PODNL1: variants seen among roughly 807,000 people sequenced by gnomAD.
The protein encoded by PODNL1 is podocan like 1.
In PODNL1, 50 loss-of-function variants were observed where a neutral mutation model predicts 45.1. The observed-to-expected ratio is 1.11, with a 90% CI of 0.88 to 1.40. PODNL1 has a LOEUF of 1.40. PODNL1 is among the 40% of genes most tolerant of loss of function. The probability of loss-of-function intolerance (pLI) is 0.00; values close to 1 mark genes in which losing one functional copy is unlikely to be tolerated. For missense variants in PODNL1, 788 were observed against 793.3 expected (o/e 0.99, Z 0.08); for synonymous variants, 406 against 372.5 (o/e 1.09, Z -1.04).
chr19:13,938,275 AC>A lies in PODNL1; in HGVS notation c.-95del. 2 of 1,508,948 alleles carry A rather than the reference AC, an allele frequency of 1.3e-6. No individual in the cohort carries two copies. The highest frequency in any genetic ancestry group is 8.8e-7 in the Non-Finnish European group (1 of 1,129,998). The allele number at this position is 1,508,948 out of a possible 1,614,324, so 93.5% of individuals were successfully genotyped here. A position where few individuals can be genotyped will look rare whatever the true frequency, so the allele number is the denominator to read the frequency against. On this transcript the variant is annotated 5_prime_UTR_variant, in exon 1 of 10. An upstream open reading frame in the 5' UTR loses its in-frame stop. Coordinates refer to ENST00000588872, the MANE Select transcript of PODNL1 (RefSeq NM_001370095.3). Reference sequence around the variant, plus strand: ...ACCTCCTGGAGCCTCTGCTGTGGCCACCACCGCCCCCCATCTCCAGACCCAT... The same window carrying A: ...ACCTCCTGGAGCCTCTGCTGTGGCCACACCGCCCCCCATCTCCAGACCCAT...
Position 13,933,054 on chromosome 19 carries a change from G to A in PODNL1, c.1169C>T (p.Ala390Val). Reference sequence around the variant, plus strand: ...GCGGAAGGCCCGGTGGTGCACACGGGCGCTGGCCAGGCGGTTATAGGCCAG... The same window carrying A: ...GCGGAAGGCCCGGTGGTGCACACGGACGCTGGCCAGGCGGTTATAGGCCAG... Reference protein sequence around the residue: ...LNLAYNRLASARVHHRAFRRL... With the variant: ...LNLAYNRLASVRVHHRAFRRL... Residue 390 changes from alanine to valine, a missense_variant, in exon 8 of 10, where the codon GCC becomes GTC. Around this residue, in one of 3 missense-constraint regions of PODNL1, gnomAD observed 762 missense variants for 750.9 expected, o/e 1.01. Coordinates refer to ENST00000588872, the MANE Select transcript of PODNL1 (RefSeq NM_001370095.3). The surrounding 1 kb of genome is among the most constrained non-coding windows in gnomAD (Gnocchi z 5.2). The A allele has an allele frequency of 6.5e-7, 1 of 1,536,230 alleles. No homozygotes were observed. Among genetic ancestry groups the A allele is most frequent in the Non-Finnish European group, 8.7e-7 (1 of 1,146,496 alleles).
chr19:13,953,206 C>T, exon 1 of PODNL1: 3 of 1,413,570 alleles, frequency 2.1e-6, no homozygotes, highest in African/African-American at 1.5e-5. Context: ...GAAGCAGGCT[C>T]TGTCTCCTCC....
chr19:13,945,580 G>A (rs147809250), intron 1 of PODNL1, among the ~76,000 whole-genome samples: 2,949 of 150,726 alleles, frequency 0.02, 59 homozygotes, highest in Non-Finnish European at 0.027. Flanking sequence ...TCTATCCCCC[G>A]AGTTCAAGTG....
chr19:13,940,249 G>T (rs1972608359), upstream of PODNL1, among the ~76,000 whole-genome samples: 1 of 151,606 alleles, frequency 6.6e-6, no homozygotes, highest in African/African-American at 2.4e-5. Context: ...ATAATGGTGA[G>T]ACCCCCGTCT....
At chr19:13,939,644 T>A (rs1460032415), upstream of PODNL1, among the ~76,000 whole-genome samples, 1 of 151,982 alleles carries the variant, frequency 6.6e-6, no homozygotes, top group Non-Finnish European at 1.5e-5. Context: ...CCCAGCACTT[T>A]GGGAGGCTTA....
chr19:13,934,893 G>C (rs1338606713), intron 5 of PODNL1, among the ~76,000 whole-genome samples: 2 of 151,958 alleles, frequency 1.3e-5, no homozygotes, highest in African/African-American at 4.8e-5. Flanking sequence ...CTGTGTGTAT[G>C]CATGTATGTC....
At chr19:13,945,886 TA>T (rs113155307) in intron 1 of PODNL1, among the ~76,000 whole-genome samples, 4 of 138,946 alleles carry the variant, frequency 2.9e-5, no homozygotes, top group Admixed American at 7.2e-5. Flanking sequence ...GAGACTCCAT[TA>T]AAAAAAAAAA....
chr19:13,934,886 T>C (rs1972235316), intron 5 of PODNL1, among the ~76,000 whole-genome samples: 1 of 146,566 alleles, frequency 6.8e-6, no homozygotes, highest in African/African-American at 2.8e-5. Context: ...TGTGCAACTG[T>C]GTGTATGCAT....
chr19:13,939,342 G>A (rs1364419691), upstream of PODNL1, among the ~76,000 whole-genome samples: 1 of 152,192 alleles, frequency 6.6e-6, no homozygotes, highest in South Asian at 2.1e-4. Context: ...CTCCCAAGTA[G>A]CTGGGATTAC....
At chr19:13,942,818 T>A (rs1028928673), upstream of PODNL1, among the ~76,000 whole-genome samples, 1 of 150,948 alleles carries the variant, frequency 6.6e-6, no homozygotes, top group African/African-American at 2.4e-5. Flanking sequence ...ACCCCATGTC[T>A]ACTAAAAAAT....
At chr19:13,939,685 C>T (rs748648678), upstream of PODNL1, among the ~76,000 whole-genome samples, 50 of 151,630 alleles carry the variant, frequency 3.3e-4, no homozygotes, top group Non-Finnish European at 6.3e-4. Flanking sequence ...TCAGGAGTTC[C>T]AGAGCATCGA....
intron 1 of PODNL1, among the ~76,000 whole-genome samples, chr19:13,951,194 C>T (rs1185049455): frequency 3.3e-5 from 5 of 151,258 alleles, no homozygotes; most frequent in Non-Finnish European, 7.4e-5. Flanking sequence ...GCCTGTAATC[C>T]CAGCACTTTG....
chr19:13,933,751 G>A lies in PODNL1; in HGVS notation c.767+127C>T. On this transcript the variant is annotated intron_variant, in intron 7 of 9. Transcript: ENST00000588872. The surrounding 1 kb of genome is among the most constrained non-coding windows in gnomAD (Gnocchi z 5.2). ...GGACACCTACCCAGTGCTCTGCCGA[G>A]CCCAGTGAGCAGCAGGCACTCAGTA... 1 of 821,032 alleles carries A rather than the reference G, an allele frequency of 1.2e-6. No homozygotes were observed. Among genetic ancestry groups the A allele is most frequent in the Non-Finnish European group, 2.0e-6 (1 of 509,604 alleles). 50.9% of individuals were successfully genotyped at this position (821,032 alleles called of 1,614,324 possible).
chr19:13,934,225 G>C, intron 6 of PODNL1, 29 bp downstream of exon 6: 2 of 1,492,198 alleles, frequency 1.3e-6, no homozygotes, highest in Non-Finnish European at 1.8e-6. Context: ...AGAGAGTCTG[G>C]CCCGGGGTGG....
chr19:13,938,710 C>A (rs1416918007), upstream of PODNL1, among the ~76,000 whole-genome samples: 1 of 152,058 alleles, frequency 6.6e-6, no homozygotes, highest in Non-Finnish European at 1.5e-5. Context: ...CTGCCCGGCA[C>A]CCACCTCCCC....
At chr19:13,946,257 C>T (rs1383969035) in intron 1 of PODNL1, among the ~76,000 whole-genome samples, 5 of 151,760 alleles carry the variant, frequency 3.3e-5, no homozygotes, top group Non-Finnish European at 7.4e-5. Flanking sequence ...TGATGAAACC[C>T]GTCTCTACTA....
intron 1 of PODNL1, 46 bp downstream of exon 1, chr19:13,938,133 G>A (rs999214693): frequency 9.0e-6 from 14 of 1,557,274 alleles, no homozygotes; most frequent in Non-Finnish European, 1.2e-5. Flanking sequence ...CAGGGGTGGG[G>A]GGGCAGGCAG....
At position 13,934,346 on chromosome 19, in the gene PODNL1, A is replaced by T; in HGVS notation, c.559T>A (p.Ser187Thr). The change falls in exon 6 of 10, where the codon TCC (serine) becomes ACC (threonine). Residue 187 changes from serine (S) to threonine (T), a missense_variant. By Grantham distance (58) the Ser-to-Thr change is moderately conservative. This residue lies in a region of PODNL1 where 762 missense variants were observed against 750.9 expected (regional missense o/e 1.01). Coordinates refer to ENST00000588872, the MANE Select transcript of PODNL1 (RefSeq NM_001370095.3). ...AGLPPDAFRG[S>T]EAIATLSLSN... ...AGGCTGAGGGTGGCGATGGCCTCGG[A>T]GCCGCGGAAGGCGTCGGGGGGCAGG... The T allele has an allele frequency of 6.4e-7, 1 of 1,556,370 alleles. No homozygotes were observed. The highest frequency in any genetic ancestry group is 8.7e-7 in the Non-Finnish European group (1 of 1,154,196).
intron 1 of PODNL1, among the ~76,000 whole-genome samples, chr19:13,944,063 G>T (rs1599447212): frequency 6.6e-6 from 1 of 152,012 alleles, no homozygotes; most frequent in Admixed American, 6.6e-5. Context: ...GGCTAGCTCT[G>T]GGGGGAGACC....
Sources: gnomAD v4.1 joint callset for allele counts (sites outside exome capture counted in the v4.1 genomes callset) on GRCh38, gnomAD v4.1.1 for gene constraint, gnomAD v4.1.1 regional missense constraint, Gnocchi (gnomAD v3.1) non-coding constraint, MANE v1.5 for transcripts, NCBI Gene and HGNC (gene_info 2026-07-23, HGNC 2026-07-21) for gene names.